SUPT3H: variants seen among roughly 807,000 people sequenced by gnomAD.
SUPT3H encodes transcription initiation protein SPT3 homolog.
SUPT3H carries 44 observed loss-of-function variants against 44.3 expected under a neutral mutation model. The ratio of observed to expected loss-of-function variants is 0.99; its 90% CI spans 0.78 to 1.28. The LOEUF is 1.28. SUPT3H is among the 50% of genes most tolerant of loss of function. The pLI is 0.00. For synonymous variants in SUPT3H, 124 were observed against 125.6 expected, an observed-to-expected ratio of 0.99 and a Z score of 0.09; for missense variants, 380 against 387.1, an observed-to-expected ratio of 0.98 and a Z score of 0.15.
chr6:45,299,559 G>A (rs1285443984), intron 2 of SUPT3H, among the ~76,000 whole-genome samples: 1 of 151,862 alleles, frequency 6.6e-6, no homozygotes, highest in Non-Finnish European at 1.5e-5. Flanking sequence ...TCCACAAGGA[G>A]GAATACTGTA....
chr6:45,207,920 GAAAGTT>G (rs1477312551), intron 2 of SUPT3H, among the ~76,000 whole-genome samples: 1 of 152,092 alleles, frequency 6.6e-6, no homozygotes, highest in African/African-American at 2.4e-5. Context: ...CTGTTCCAGT[GAAAGTT>G]AAAGTTTTAC....
At chr6:45,152,283 C>T (rs906776976) in intron 2 of SUPT3H, among the ~76,000 whole-genome samples, 1 of 152,164 alleles carries the variant, frequency 6.6e-6, no homozygotes. Flanking sequence ...TTCTTGTGCA[C>T]CACATCAGAT....
At chr6:45,178,382 G>A (rs1222580088) in intron 2 of SUPT3H, among the ~76,000 whole-genome samples, 2 of 152,050 alleles carry the variant, frequency 1.3e-5, no homozygotes, top group African/African-American at 4.8e-5. Context: ...AAATATATAT[G>A]CATCCAATAC....
intron 2 of SUPT3H, among the ~76,000 whole-genome samples, chr6:45,307,144 C>T (rs1022204848): frequency 5.3e-5 from 8 of 152,218 alleles, no homozygotes; most frequent in East Asian, 1.9e-4. Context: ...GTGGAGCCCA[C>T]GGCAGCTCAA....
At chr6:45,313,767 A>C (rs1784316984) in intron 2 of SUPT3H, among the ~76,000 whole-genome samples, 1 of 152,176 alleles carries the variant, frequency 6.6e-6, no homozygotes, top group Admixed American at 6.5e-5. Flanking sequence ...ATAGAGAAAG[A>C]GGGAACCCTC....
At chr6:44,874,862 C>G (rs896137116) in intron 10 of SUPT3H, among the ~76,000 whole-genome samples, 1 of 141,832 alleles carries the variant, frequency 7.1e-6, no homozygotes, top group Admixed American at 6.9e-5. Flanking sequence ...CAACAACAGA[C>G]AAACAGAGAG....
At chr6:45,077,648 G>GAA (rs5875907) in intron 3 of SUPT3H, among the ~76,000 whole-genome samples, 8 of 105,730 alleles carry the variant, frequency 7.6e-5, no homozygotes, top group South Asian at 5.9e-4. Context: ...AAAAAGAAAA[G>GAA]AAAAAAAAAA....
At chr6:45,036,687 C>A (rs1787721698) in intron 3 of SUPT3H, among the ~76,000 whole-genome samples, 1 of 152,094 alleles carries the variant, frequency 6.6e-6, no homozygotes, top group African/African-American at 2.4e-5. Flanking sequence ...AAACTGTCAA[C>A]AACCTGTGAA....
At chr6:45,226,600 C>T (rs560567496) in intron 2 of SUPT3H, among the ~76,000 whole-genome samples, 184 of 152,206 alleles carry the variant, frequency 1.2e-3, no homozygotes, top group African/African-American at 3.9e-3. Context: ...AGTGCAGTGG[C>T]GCAATCTTGG....
intron 3 of SUPT3H, among the ~76,000 whole-genome samples, chr6:45,078,721 T>C (rs1359506759): frequency 6.6e-6 from 1 of 152,184 alleles, no homozygotes; most frequent in Non-Finnish European, 1.5e-5. Context: ...TGTTTGTTTG[T>C]TTGTTTTCCT....
chr6:44,924,281 A>G (rs1192527462), intron 10 of SUPT3H, among the ~76,000 whole-genome samples: 1 of 152,132 alleles, frequency 6.6e-6, no homozygotes, highest in African/African-American at 2.4e-5. Context: ...TTTTGAATCA[A>G]ACTCTTTTCA....
In SUPT3H at chr6:45,328,433, C is replaced by T. The variant is rs1387808391; in HGVS notation, c.101+36768G>A. On this transcript the variant is annotated intron_variant, in intron 2 of 10. Transcript: ENST00000371459. ...TTAAATGGTTAATCTCCGCAGGTCA[C>T]TACCAGCCACCGAGACCAACAGAGT... The T allele has an allele frequency of 2.1e-6, 3 of 1,448,884 alleles. No homozygotes were observed. The Admixed American group carries it at 5.5e-5, about 26-fold the overall frequency. 89.8% of individuals were successfully genotyped at this position (1,448,884 alleles called of 1,614,324 possible).
rs541780291 is a variant in SUPT3H at position 44,828,254 on chromosome 6, A to C, written c.*1562T>G. ...ATGATTATGGATGCCAAGGAAAATA[A>C]GAATGATAAAAAGTTTAATCATAAT... On this transcript the variant is annotated 3_prime_UTR_variant, in exon 11 of 11. Coordinates refer to ENST00000371459, the MANE Select transcript of SUPT3H (RefSeq NM_003599.4). Among the ~76,000 whole-genome samples, 108 of 150,800 alleles carry C rather than the reference A, an allele frequency of 7.2e-4. No homozygotes were observed. Among genetic ancestry groups the C allele is most frequent in the African/African-American group, 2.6e-3 (105 of 40,354 alleles).
At chr6:45,055,289 T>A (rs1318200460) in intron 3 of SUPT3H, among the ~76,000 whole-genome samples, 2 of 152,074 alleles carry the variant, frequency 1.3e-5, no homozygotes, top group Non-Finnish European at 2.9e-5. Context: ...CAAAATACCA[T>A]CATCATTCTT....
At chr6:44,886,444 G>C (rs963917288) in intron 10 of SUPT3H, among the ~76,000 whole-genome samples, 21 of 152,332 alleles carry the variant, frequency 1.4e-4, no homozygotes, top group Admixed American at 1.2e-3. Flanking sequence ...CAAGCCAGAA[G>C]AGAGTGGGGG....
chr6:44,823,971 CAAAA>C (rs1210525346), downstream of SUPT3H, among the ~76,000 whole-genome samples: 1 of 151,994 alleles, frequency 6.6e-6, no homozygotes, highest in South Asian at 2.1e-4. Context: ...CTCAAAAACA[CAAAA>C]AACAAAACCA....
chr6:45,129,233 C>T (rs1803019829), intron 2 of SUPT3H, among the ~76,000 whole-genome samples: 1 of 152,180 alleles, frequency 6.6e-6, no homozygotes, highest in African/African-American at 2.4e-5. Context: ...CTTTCAAATT[C>T]ATTCTCTTTG....
At chr6:44,997,915 C>T (rs577484630) in intron 6 of SUPT3H, among the ~76,000 whole-genome samples, 1 of 151,762 alleles carries the variant, frequency 6.6e-6, no homozygotes, top group African/African-American at 2.4e-5. Context: ...CTTATTTGAC[C>T]TAGCTATTTG....
At chr6:45,039,272 T>C (rs1788147216) in intron 3 of SUPT3H, among the ~76,000 whole-genome samples, 1 of 152,158 alleles carries the variant, frequency 6.6e-6, no homozygotes, top group African/African-American at 2.4e-5. Context: ...ATACTTCCTT[T>C]GGGAAGAAAA....
Sources: gnomAD v4.1 joint callset for allele counts (sites outside exome capture counted in the v4.1 genomes callset) on GRCh38, gnomAD v4.1.1 for gene constraint, MANE v1.5 for transcripts, NCBI Gene and HGNC (gene_info 2026-07-23, HGNC 2026-07-21) for gene names.